MALRD1: variants seen among roughly 807,000 people sequenced by gnomAD.
MALRD1 encodes MAM and LDL-receptor class A domain-containing protein 1.
Under a neutral mutation model 242.1 loss-of-function variants are expected in MALRD1, and 247 were observed. The observed-to-expected ratio is 1.02, with a 90% confidence interval of 0.92 to 1.13. The LOEUF is 1.13. Among genes scored for constraint, MALRD1 ranks in the 50% most tolerant of loss-of-function variants. The pLI is 0.00. For missense variants in MALRD1, 2,989 were observed against 2,533.1 expected, an observed-to-expected ratio of 1.18 and a Z score of -3.86; for synonymous variants, 995 against 866.6, an observed-to-expected ratio of 1.15 and a Z score of -2.60.
intron 21 of MALRD1, among the ~76,000 whole-genome samples, chr10:19,304,151 A>G (rs1022324712): frequency 6.6e-6 from 1 of 151,740 alleles, no homozygotes; most frequent in Non-Finnish European, 1.5e-5. Context: ...TTGAGGAACA[A>G]AAAGACAGCG....
chr10:19,587,036 C>G (rs985272954), intron 33 of MALRD1, among the ~76,000 whole-genome samples: 7 of 152,248 alleles, frequency 4.6e-5, no homozygotes, highest in African/African-American at 1.7e-4. Context: ...AGGGAACTCC[C>G]TGACCCCTTG....
At chr10:19,679,955 G>A (rs1422140850) in intron 36 of MALRD1, among the ~76,000 whole-genome samples, 1 of 152,070 alleles carries the variant, frequency 6.6e-6, no homozygotes, top group Non-Finnish European at 1.5e-5. Context: ...GTAGTTGTGT[G>A]GTTTTGAGTA....
At chr10:19,221,658 C>T (rs1316643013) in intron 18 of MALRD1, among the ~76,000 whole-genome samples, 1 of 152,042 alleles carries the variant, frequency 6.6e-6, no homozygotes, top group Non-Finnish European at 1.5e-5. Context: ...CAAGAAAACA[C>T]ATCAGATGTC....
intron 12 of MALRD1, among the ~76,000 whole-genome samples, chr10:19,162,752 G>A (rs1379198545): frequency 2.0e-5 from 3 of 151,964 alleles, no homozygotes; most frequent in Admixed American, 2.0e-4. Flanking sequence ...AAAGCAGTAT[G>A]GCAACTCCAC....
chr10:19,217,466 A>G (rs1837368662), intron 18 of MALRD1, among the ~76,000 whole-genome samples: 1 of 150,912 alleles, frequency 6.6e-6, no homozygotes, highest in Non-Finnish European at 1.5e-5. Flanking sequence ...TCACTGCTCC[A>G]TATGCCTTTG....
intron 8 of MALRD1, among the ~76,000 whole-genome samples, chr10:19,131,858 AG>A: frequency 6.6e-6 from 1 of 152,316 alleles, no homozygotes; most frequent in East Asian, 1.9e-4. Context: ...TCACTTGAAA[AG>A]CTTTGCTGAG....
chr10:19,734,096 A>C, intron 39 of MALRD1, 61 bp from the exon 40 acceptor site: 3 of 1,320,570 alleles, frequency 2.3e-6, no homozygotes, highest in Non-Finnish European at 3.1e-6. Flanking sequence ...GTGATCTTTA[A>C]AGAGTTTTCT....
chr10:19,239,075 T>C (rs2131737900), intron 18 of MALRD1, among the ~76,000 whole-genome samples: 1 of 151,860 alleles, frequency 6.6e-6, no homozygotes, highest in South Asian at 2.1e-4. Flanking sequence ...TTTTTTTTTT[T>C]TGAGAAGGAG....
intron 33 of MALRD1, among the ~76,000 whole-genome samples, chr10:19,593,901 A>T (rs184847837): frequency 4.1e-4 from 62 of 152,302 alleles, no homozygotes; most frequent in African/African-American, 1.4e-3. Flanking sequence ...TCCTAATGCA[A>T]CGTCTTAGAT....
At chr10:19,243,474 T>C (rs2131753753) in intron 18 of MALRD1, among the ~76,000 whole-genome samples, 1 of 152,298 alleles carries the variant, frequency 6.6e-6, no homozygotes, top group East Asian at 1.9e-4. Flanking sequence ...GATAAATATA[T>C]TATTTCAGTA....
At chr10:19,103,047 C>A (rs1379697102) in intron 4 of MALRD1, among the ~76,000 whole-genome samples, 1 of 151,652 alleles carries the variant, frequency 6.6e-6, no homozygotes, top group Non-Finnish European at 1.5e-5. Context: ...CGGGGTTTCA[C>A]CATGTTTGCC....
intron 18 of MALRD1, among the ~76,000 whole-genome samples, chr10:19,249,784 A>G (rs771182420): frequency 1.3e-5 from 2 of 152,064 alleles, no homozygotes; most frequent in Non-Finnish European, 2.9e-5. Context: ...CTAATTCACA[A>G]TAACTAATGG....
chr10:19,087,984 T>C (rs1463128256), intron 3 of MALRD1, 40 bp from the exon 4 acceptor site: 1 of 1,232,986 alleles, frequency 8.1e-7, no homozygotes. Flanking sequence ...TTTGGGGACT[T>C]CTTTATCATA....
intron 33 of MALRD1, among the ~76,000 whole-genome samples, chr10:19,584,501 G>A (rs7080763): frequency 0.51 from 77,207 of 150,804 alleles, 19,714 homozygotes; most frequent in African/African-American, 0.55. Context: ...TCATTCAGGA[G>A]CAGGTTGGTC....
intron 30 of MALRD1, among the ~76,000 whole-genome samples, chr10:19,495,968 A>T (rs561857111): frequency 6.6e-6 from 1 of 152,306 alleles, no homozygotes; most frequent in Non-Finnish European, 1.5e-5. Flanking sequence ...AAAGATCAAG[A>T]AAGACAATGA....
At chr10:19,375,721 G>T (rs1019780823) in intron 26 of MALRD1, among the ~76,000 whole-genome samples, 1 of 152,136 alleles carries the variant, frequency 6.6e-6, no homozygotes, top group African/African-American at 2.4e-5. Flanking sequence ...AAAGCCACAC[G>T]CTAACAAAAC....
chr10:19,712,811 A>G (rs958742453), intron 38 of MALRD1, among the ~76,000 whole-genome samples: 6 of 152,194 alleles, frequency 3.9e-5, no homozygotes, highest in African/African-American at 1.4e-4. Flanking sequence ...AGGAAGAGAA[A>G]AGACTATTTT....
chr10:19,506,325 C>G (rs60620873), intron 31 of MALRD1, among the ~76,000 whole-genome samples: 1 of 152,162 alleles, frequency 6.6e-6, no homozygotes, highest in African/African-American at 2.4e-5. Context: ...ACAGTTATCC[C>G]TGGAAGAAAC....
chr10:19,156,700 A>G (rs1834160347), intron 12 of MALRD1, among the ~76,000 whole-genome samples: 1 of 152,196 alleles, frequency 6.6e-6, no homozygotes, highest in Non-Finnish European at 1.5e-5. Flanking sequence ...CTGAGAAATC[A>G]TATGCATGTA....
Sources: gnomAD v4.1 joint callset for allele counts (sites outside exome capture counted in the v4.1 genomes callset) on GRCh38, gnomAD v4.1.1 for gene constraint, MANE v1.5 for transcripts, NCBI Gene and HGNC (gene_info 2026-07-23, HGNC 2026-07-21) for gene names.